Variants in BAZ1A observed in about 807,000 individuals in gnomAD.
BAZ1A encodes bromodomain adjacent to zinc finger domain protein 1A.
A neutral mutation model predicts 185.2 loss-of-function variants in BAZ1A; 50 were observed. The ratio of observed to expected loss-of-function variants is 0.27; its 90% CI spans 0.22 to 0.34. The LOEUF (loss-of-function observed/expected upper bound fraction) is 0.34. Among genes scored for constraint, BAZ1A ranks in the 10% least tolerant of loss-of-function variants. The pLI is 1.00. For missense variants in BAZ1A, 1,356 were observed against 1,839.9 expected, an observed-to-expected ratio of 0.74 and a Z score of 4.81; for synonymous variants, 571 against 615.6, an observed-to-expected ratio of 0.93 and a Z score of 1.07.
chr14:34,756,716 TG>T (rs1283971152), intron 25 of BAZ1A, among the ~76,000 whole-genome samples: 5 of 151,458 alleles, frequency 3.3e-5, no homozygotes, highest in Non-Finnish European at 7.4e-5. Context: ...TTCACCGCCT[TG>T]GCCTCCCAAA....
rs1046207108 is a variant in BAZ1A at position 34,773,796 on chromosome 14, A to G, written c.2998-70T>C. ...TTGTTTCTGAGAGGTATGAAGTTCA[A>G]TATGCATATAAAATCAATTCATGGA... On this transcript the variant is annotated intron_variant, in intron 19 of 26. Transcript: ENST00000360310. 3.5e-6 allele frequency: 5 copies of G among 1,411,758 alleles called. No individual in the cohort carries two copies. The Admixed American group carries it at 9.7e-5, about 27-fold the overall frequency. 87.5% of individuals were successfully genotyped at this position (1,411,758 alleles called of 1,614,324 possible).
At chr14:34,870,148 G>A (rs1300256699) in intron 2 of BAZ1A, among the ~76,000 whole-genome samples, 2 of 152,128 alleles carry the variant, frequency 1.3e-5, no homozygotes, top group East Asian at 1.9e-4. Flanking sequence ...CTACAATATT[G>A]CAGTAACTGA....
intron 2 of BAZ1A, among the ~76,000 whole-genome samples, chr14:34,872,813 G>C (rs560230781): frequency 6.7e-6 from 1 of 149,766 alleles, no homozygotes; most frequent in Admixed American, 6.7e-5. Flanking sequence ...TTACGTGGAA[G>C]GAGAAAGCAG....
chr14:34,826,936 G>C (rs1323473075), intron 3 of BAZ1A, among the ~76,000 whole-genome samples: 1 of 152,190 alleles, frequency 6.6e-6, no homozygotes, highest in Non-Finnish European at 1.5e-5. Context: ...CAAAAAGGCA[G>C]AGAAAAGACA....
Position 34,753,423 on chromosome 14 carries a change from G to T in BAZ1A, c.*85C>A. The T allele has an allele frequency of 7.2e-7, 1 of 1,394,988 alleles. No homozygotes were observed. The highest frequency in any genetic ancestry group is 1.0e-6 in the Non-Finnish European group (1 of 1,001,470). 86.4% of individuals were successfully genotyped at this position (1,394,988 alleles called of 1,614,324 possible). ...CACACTTTCATGTGGTCAATCAATT[G>T]TTATTGCTTTATACAGCATGATTTA... On this transcript the variant is annotated 3_prime_UTR_variant, in exon 27 of 27. Transcript: ENST00000360310.
chr14:34,845,483 T>C (rs2042495207), intron 3 of BAZ1A: 1 of 152,170 alleles, frequency 6.6e-6, no homozygotes. Context: ...ACAAGCCTCC[T>C]AGGCAGCATG....
chr14:34,833,584 T>C (rs989055275), intron 3 of BAZ1A, among the ~76,000 whole-genome samples: 7 of 152,050 alleles, frequency 4.6e-5, no homozygotes, highest in Non-Finnish European at 1.0e-4. Context: ...GTTCAGTGAA[T>C]TGAGCCACAA....
intron 3 of BAZ1A, among the ~76,000 whole-genome samples, chr14:34,832,309 G>A (rs2042261471): frequency 1.3e-5 from 2 of 149,818 alleles, no homozygotes; most frequent in Non-Finnish European, 3.0e-5. Context: ...AACACTTACA[G>A]AAGCATTAAC....
chr14:34,794,001 G>A (rs965091004), intron 11 of BAZ1A, among the ~76,000 whole-genome samples: 1 of 151,768 alleles, frequency 6.6e-6, no homozygotes, highest in Non-Finnish European at 1.5e-5. Context: ...GCATGGTGGC[G>A]GGTGCCTGTA....
At chr14:34,789,276 T>C (rs1386861060) in intron 12 of BAZ1A, among the ~76,000 whole-genome samples, 1 of 152,198 alleles carries the variant, frequency 6.6e-6, no homozygotes, top group Non-Finnish European at 1.5e-5. Context: ...CTATAGAAAG[T>C]TATAATTTCC....
rs149251344 is a variant in BAZ1A, at chr14:34,819,585, G to A, written c.536+6428C>T. Among the ~76,000 whole-genome samples the A allele has an allele frequency of 3.2e-3, 486 of 152,162 alleles. 2 individuals are homozygous for A. Among genetic ancestry groups the A allele is most frequent in the African/African-American group, 9.4e-3 (392 of 41,522 alleles). The stretch of plus-strand genomic sequence containing the variant: ...GTACATGTGCATTTAAACTTTCTCC[G>A]TGTTTTTTCATGGTTTAATATCTAA... On this transcript the variant is annotated intron_variant, in intron 4 of 26. Transcript: ENST00000360310.
chr14:34,803,380 G>GAA (rs11448366), intron 6 of BAZ1A, among the ~76,000 whole-genome samples: 11,759 of 114,690 alleles, frequency 0.1, 685 homozygotes, highest in Middle Eastern at 0.13. Context: ...TCCATCTCAG[G>GAA]AAAAAAAAAA....
At chr14:34,756,114 TC>T (rs1886231169) in intron 25 of BAZ1A, among the ~76,000 whole-genome samples, 1 of 119,724 alleles carries the variant, frequency 8.4e-6, no homozygotes, top group African/African-American at 2.9e-5. Context: ...CTGGTTTTTT[TC>T]TTTTTTTTTT....
At chr14:34,812,622 G>A (rs2041946313) in intron 4 of BAZ1A, among the ~76,000 whole-genome samples, 1 of 152,192 alleles carries the variant, frequency 6.6e-6, no homozygotes. Context: ...CAGCAATAGA[G>A]AGAAGAGGTA....
chr14:34,866,502 A>AAAAAAAAAAAAG, intron 2 of BAZ1A, among the ~76,000 whole-genome samples: 12 of 79,546 alleles, frequency 1.5e-4, no homozygotes, highest in Admixed American at 3.0e-4. Context: ...AAAAAAAAAA[A>AAAAAAAAAAAAG]GAAAAAAGTT....
At chr14:34,757,369 A>C (rs1886300265) in intron 25 of BAZ1A, among the ~76,000 whole-genome samples, 1 of 145,576 alleles carries the variant, frequency 6.9e-6, no homozygotes, top group Non-Finnish European at 1.5e-5. Flanking sequence ...CCATCTCAAA[A>C]AAAAAAAAAA....
chr14:34,858,109 AAAAT>A (rs2042710302), intron 3 of BAZ1A, among the ~76,000 whole-genome samples: 1 of 146,954 alleles, frequency 6.8e-6, no homozygotes, highest in Admixed American at 6.9e-5. Context: ...CACCAACAAC[AAAAT>A]AAATAAAGAA....
At chr14:34,869,026 G>A (rs745624032) in intron 2 of BAZ1A, among the ~76,000 whole-genome samples, 25 of 150,636 alleles carry the variant, frequency 1.7e-4, no homozygotes, top group Non-Finnish European at 3.4e-4. Flanking sequence ...CTAACACGGT[G>A]AAACCTCGTC....
chr14:34,832,215 C>CACACACACACACACACACACACATAT lies in BAZ1A; in HGVS notation c.393-6060_393-6059insATATGTGTGTGTGTGTGTGTGTGTGT. ...ATACACACACACACACACACACACA[C>CACACACACACACACACACACACATAT]ATATATATATATATATGTATGTATG... is the stretch of plus-strand genomic sequence containing the variant. On this transcript the variant is annotated intron_variant, in intron 3 of 26. Coordinates refer to ENST00000360310, the MANE Select transcript of BAZ1A (RefSeq NM_013448.3). Among the ~76,000 whole-genome samples, 2 of 89,670 alleles carry CACACACACACACACACACACACATAT rather than the reference C, an allele frequency of 2.2e-5. 1 individual carries two copies. Among genetic ancestry groups the CACACACACACACACACACACACATAT allele is most frequent in the Middle Eastern group, 0.011 (2 of 180 alleles). The allele number at this position is 89,670 out of a possible 152,430, so 58.8% of individuals were successfully genotyped here.
Sources: gnomAD v4.1 joint callset for allele counts (sites outside exome capture counted in the v4.1 genomes callset) on GRCh38, gnomAD v4.1.1 for gene constraint, MANE v1.5 for transcripts, NCBI Gene and HGNC (gene_info 2026-07-23, HGNC 2026-07-21) for gene names.